ZNF503: variants seen among roughly 807,000 people sequenced by gnomAD.
ZNF503 encodes NocA-like zinc finger 2.
A neutral mutation model predicts 34.4 loss-of-function variants in ZNF503; 15 were observed. The ratio of observed to expected loss-of-function variants is 0.44; its 90% CI spans 0.29 to 0.67. The LOEUF (loss-of-function observed/expected upper bound fraction) is 0.67, where lower values mean the gene tolerates loss of function less well. Among genes scored for constraint, ZNF503 ranks in the 30% least tolerant of loss-of-function variants. The probability of loss-of-function intolerance (pLI) is 0.13; values close to 1 mark genes in which losing one functional copy is unlikely to be tolerated. For missense variants in ZNF503, 1,007 were observed against 926.8 expected, an observed-to-expected ratio of 1.09 and a Z score of -1.12; for synonymous variants, 580 against 456.8, an observed-to-expected ratio of 1.27 and a Z score of -3.44.
chr10:75,332,176 G>T, the ZNF503 span, among the ~76,000 whole-genome samples: 1 of 151,712 alleles, frequency 6.6e-6, no homozygotes, highest in Admixed American at 6.6e-5. Context: ...TTAGTGGCTC[G>T]ATGTTTTTTG....
chr10:75,400,834 GC>G (rs1215095002), intron 1 of ZNF503, among the ~76,000 whole-genome samples: 1 of 152,228 alleles, frequency 6.6e-6, no homozygotes, highest in African/African-American at 2.4e-5. Context: ...TGCCTTCGGT[GC>G]CGAGTGAAGG....
downstream of ZNF503, among the ~76,000 whole-genome samples, chr10:75,394,191 T>C (rs543962872): frequency 5.9e-5 from 9 of 152,384 alleles, no homozygotes; most frequent in South Asian, 1.7e-3. Context: ...GCAGGTTTGT[T>C]ACATGGGTAA....
At chr10:75,350,760 C>T in the ZNF503 span, among the ~76,000 whole-genome samples, 1 of 151,994 alleles carries the variant, frequency 6.6e-6, no homozygotes. Context: ...CACTATGTTG[C>T]CCAGGCTAGT....
At chr10:75,368,555 C>A in the ZNF503 span, among the ~76,000 whole-genome samples, 4 of 152,178 alleles carry the variant, frequency 2.6e-5, no homozygotes, top group Non-Finnish European at 5.9e-5. Flanking sequence ...TGATTACTTA[C>A]AAATGTTATG....
At chr10:75,316,020 T>C in the ZNF503 span, among the ~76,000 whole-genome samples, 2 of 152,318 alleles carry the variant, frequency 1.3e-5, no homozygotes, top group African/African-American at 4.8e-5. Context: ...GATGAAGATA[T>C]AATGGTTATA....
At position 75,401,738 on chromosome 10, in the gene ZNF503, A is replaced by G; in HGVS notation, c.-319T>C. ...CGCCGGCGCTGCGCTCTGCGATGCG[A>G]GCCGCTGCGTGTCCAGCCGGGGCTC... On this transcript the variant is annotated 5_prime_UTR_variant, in exon 1 of 2. Coordinates refer to ENST00000372524, the MANE Select transcript of ZNF503 (RefSeq NM_032772.6). 2.7e-6 allele frequency: 1 copy of G among 368,732 alleles called. No homozygotes were observed. Among genetic ancestry groups the G allele is most frequent in the Admixed American group, 5.0e-5 (1 of 19,860 alleles). 22.8% of individuals were successfully genotyped at this position (368,732 alleles called of 1,614,324 possible). A position where few individuals can be genotyped will look rare whatever the true frequency, so the allele number is the denominator to read the frequency against.
At chr10:75,345,956 A>C in the ZNF503 span, among the ~76,000 whole-genome samples, 1 of 152,204 alleles carries the variant, frequency 6.6e-6, no homozygotes, top group Non-Finnish European at 1.5e-5. Flanking sequence ...TTGCTGGTGG[A>C]TATGGAGGGG....
At chr10:75,348,720 G>T in the ZNF503 span, among the ~76,000 whole-genome samples, 2 of 149,320 alleles carry the variant, frequency 1.3e-5, no homozygotes, top group Admixed American at 1.3e-4. Flanking sequence ...CACTGTGTTA[G>T]CCAGGATGGT....
chr10:75,368,328 CAATAAG>C, the ZNF503 span, among the ~76,000 whole-genome samples: 4 of 151,792 alleles, frequency 2.6e-5, no homozygotes, highest in African/African-American at 7.3e-5. Flanking sequence ...TCAAGGGTAC[CAATAAG>C]AATAACAAAT....
chr10:75,329,199 C>G, the ZNF503 span, among the ~76,000 whole-genome samples: 79 of 151,916 alleles, frequency 5.2e-4, no homozygotes, highest in African/African-American at 1.8e-3. Context: ...TTCTTAATTT[C>G]TTTCTTGGCT....
chr10:75,400,131 CCTT>C lies in ZNF503; in HGVS notation c.556_558del (p.Lys186del), dbSNP rs768654884. On this transcript the variant is annotated inframe_deletion, in exon 2 of 2. Transcript: ENST00000372524. ...CCGCCTCCACCGCCGCCTCCCGGCTCCTTCTTATCCGAGCCGGGTTTGGAGTAC... is the reference window on the plus strand; with the variant it reads ...CCGCCTCCACCGCCGCCTCCCGGCTCCTTATCCGAGCCGGGTTTGGAGTAC... The C allele has an allele frequency of 1.3e-6, 2 of 1,550,702 alleles. No homozygotes were observed. Among genetic ancestry groups the C allele is most frequent in the Non-Finnish European group, 1.7e-6 (2 of 1,147,324 alleles).
rs1418506297 is a variant in ZNF503 at position 75,401,481 on chromosome 10, G to A, written c.-62C>T. 14 of 1,474,730 alleles carry A rather than the reference G, an allele frequency of 9.5e-6. No individual in the cohort carries two copies. In the Admixed American group the frequency reaches 1.0e-4, roughly 11 times the overall value. The allele number at this position is 1,474,730 out of a possible 1,614,324, so 91.4% of individuals were successfully genotyped here. On this transcript the variant is annotated 5_prime_UTR_variant, in exon 1 of 2. Transcript: ENST00000372524. Reference sequence around the variant, plus strand: ...GCTCCGGGAGGCGCGGGGCGGGCTCGGGGCTGCGCGCTCGCCCCGGGAGCA... The same window carrying A: ...GCTCCGGGAGGCGCGGGGCGGGCTCAGGGCTGCGCGCTCGCCCCGGGAGCA...
chr10:75,290,976 G>A, the ZNF503 span, among the ~76,000 whole-genome samples: 1 of 152,158 alleles, frequency 6.6e-6, no homozygotes, highest in Non-Finnish European at 1.5e-5. Flanking sequence ...GATAAAAACT[G>A]CTTCCCTGTA....
the ZNF503 span, among the ~76,000 whole-genome samples, chr10:75,380,793 T>C: frequency 6.6e-6 from 1 of 152,088 alleles, no homozygotes; most frequent in Admixed American, 6.6e-5. Flanking sequence ...CCCCTGAAAA[T>C]TCTGCAGAAG....
At chr10:75,318,676 A>G in the ZNF503 span, among the ~76,000 whole-genome samples, 1 of 151,816 alleles carries the variant, frequency 6.6e-6, no homozygotes, top group Non-Finnish European at 1.5e-5. Context: ...CTCAAAAAAA[A>G]AAAAAAAAAA....
the ZNF503 span, among the ~76,000 whole-genome samples, chr10:75,380,452 C>T: frequency 2.0e-5 from 3 of 152,250 alleles, no homozygotes; most frequent in Non-Finnish European, 4.4e-5. Context: ...TACCTATAGG[C>T]CACTGAAGCA....
chr10:75,372,405 G>A, the ZNF503 span, among the ~76,000 whole-genome samples: 1 of 152,222 alleles, frequency 6.6e-6, no homozygotes, highest in Non-Finnish European at 1.5e-5. Context: ...ACTGAGCATT[G>A]TGATTGGGCT....
At chr10:75,312,724 C>A in the ZNF503 span, among the ~76,000 whole-genome samples, 2 of 151,946 alleles carry the variant, frequency 1.3e-5, no homozygotes, top group African/African-American at 4.8e-5. Flanking sequence ...TGTAAAAAAT[C>A]TTGAAAGTAG....
chr10:75,347,319 C>A, the ZNF503 span, among the ~76,000 whole-genome samples: 3 of 148,460 alleles, frequency 2.0e-5, no homozygotes, highest in Non-Finnish European at 4.4e-5. Context: ...GAAAATGTGA[C>A]CCCTCGACTT....
Sources: gnomAD v4.1 joint callset for allele counts (sites outside exome capture counted in the v4.1 genomes callset) on GRCh38, gnomAD v4.1.1 for gene constraint, MANE v1.5 for transcripts, NCBI Gene and HGNC (gene_info 2026-07-23, HGNC 2026-07-21) for gene names.